TSHZ2: variants seen among roughly 807,000 people sequenced by gnomAD.
TSHZ2 encodes teashirt zinc finger homeobox 2.
A neutral mutation model predicts 74.4 loss-of-function variants in TSHZ2; 21 were observed. The ratio of observed to expected loss-of-function variants is 0.28; its 90% CI spans 0.20 to 0.41. The LOEUF is 0.41. Ranked by LOEUF, TSHZ2 falls within the 10% of genes least tolerant of loss-of-function variation. The pLI is 1.00. For missense variants in TSHZ2, 1,244 were observed against 1,293.5 expected (o/e 0.96, Z 0.59); for synonymous variants, 540 against 515.3 (o/e 1.05, Z -0.65).
intron 1 of TSHZ2, among the ~76,000 whole-genome samples, chr20:53,247,301 C>T (rs894805310): frequency 6.6e-6 from 1 of 152,152 alleles, no homozygotes; most frequent in African/African-American, 2.4e-5. Flanking sequence ...TGGGCCCTGG[C>T]CTGTGGTACC....
intron 2 of TSHZ2, among the ~76,000 whole-genome samples, chr20:53,478,281 G>C (rs1391910612): frequency 1.3e-5 from 2 of 151,154 alleles, no homozygotes; most frequent in Non-Finnish European, 2.9e-5. Flanking sequence ...AACAATGATA[G>C]ACTGGATTAA....
chr20:53,262,084 AT>A (rs951744564), intron 2 of TSHZ2, among the ~76,000 whole-genome samples: 7 of 151,078 alleles, frequency 4.6e-5, no homozygotes, highest in Admixed American at 1.3e-4. Flanking sequence ...CTTGGGGAGG[AT>A]TTTTTTTTAA....
intron 2 of TSHZ2, among the ~76,000 whole-genome samples, chr20:53,474,373 A>G (rs1244237766): frequency 2.4e-5 from 3 of 123,864 alleles, no homozygotes; most frequent in African/African-American, 9.8e-5. Flanking sequence ...AAAGAAAAGA[A>G]TTTTCAACCC....
At chr20:53,180,401 A>G (rs543267982) in intron 1 of TSHZ2, among the ~76,000 whole-genome samples, 3 of 152,366 alleles carry the variant, frequency 2.0e-5, no homozygotes, top group South Asian at 2.1e-4. Context: ...AATCCGAAGT[A>G]GAAGAAACCC....
At chr20:53,296,028 A>T (rs1991372708) in intron 2 of TSHZ2, among the ~76,000 whole-genome samples, 1 of 143,892 alleles carries the variant, frequency 6.9e-6, no homozygotes, top group South Asian at 2.2e-4. Flanking sequence ...CAGGTCTGTA[A>T]TGACTGCAAA....
At chr20:53,329,343 AC>A (rs375429998) in intron 2 of TSHZ2, among the ~76,000 whole-genome samples, 1,697 of 152,288 alleles carry the variant, frequency 0.011, 30 homozygotes, top group African/African-American at 0.034. Flanking sequence ...TTAACTTAAA[AC>A]TAAAAGAGTC....
At chr20:53,453,778 GA>G (rs1215021605) in intron 2 of TSHZ2, among the ~76,000 whole-genome samples, 1 of 152,154 alleles carries the variant, frequency 6.6e-6, no homozygotes, top group Non-Finnish European at 1.5e-5. Context: ...AGATTTGCTT[GA>G]AAATAGGCCA....
At chr20:53,340,093 C>T (rs1383853079) in intron 2 of TSHZ2, among the ~76,000 whole-genome samples, 1 of 151,808 alleles carries the variant, frequency 6.6e-6, no homozygotes, top group East Asian at 1.9e-4. Flanking sequence ...TCATCTCTTT[C>T]CAGAAGCAAT....
At position 53,154,489 on chromosome 20, in the gene TSHZ2, G is replaced by A. The variant is rs6022304; in HGVS notation, c.41-99010G>A. Among the ~76,000 whole-genome samples, 750 of 152,252 alleles carry A rather than the reference G, an allele frequency of 4.9e-3. 4 individuals are homozygous for A. The highest frequency in any genetic ancestry group is 0.017 in the African/African-American group (714 of 41,534). ...GTGACCTTCCATGCACAACCACTGC[G>A]GGTGCCCTCTCTTGCCCAGTTGAAG... On this transcript the variant is annotated intron_variant, in intron 1 of 2. Transcript: ENST00000371497.
At chr20:53,049,897 C>T (rs1984363576) in intron 1 of TSHZ2, among the ~76,000 whole-genome samples, 1 of 151,766 alleles carries the variant, frequency 6.6e-6, no homozygotes, top group South Asian at 2.1e-4. Context: ...GCCTGGCCAA[C>T]ACGGTGAAAC....
rs974786380 is a variant in TSHZ2, at chr20:53,076,313, T to C, written c.40+102980T>C. On this transcript the variant is annotated intron_variant, in intron 1 of 2. Coordinates refer to ENST00000371497, the MANE Select transcript of TSHZ2 (RefSeq NM_173485.6). Reference sequence around the variant, plus strand: ...GAGTGATATTAACCAGAAAAATTGCTGAATTTGCTGGCAAACTGCACATGG... The same window carrying C: ...GAGTGATATTAACCAGAAAAATTGCCGAATTTGCTGGCAAACTGCACATGG... Among the ~76,000 whole-genome samples the C allele has an allele frequency of 7.0e-4, 106 of 152,314 alleles. 1 individual carries two copies. The highest frequency in any genetic ancestry group is 6.5e-3 in the Admixed American group (100 of 15,306).
chr20:53,457,745 T>C (rs1387751170), intron 2 of TSHZ2, among the ~76,000 whole-genome samples: 1 of 151,660 alleles, frequency 6.6e-6, no homozygotes, highest in Non-Finnish European at 1.5e-5. Context: ...CAATACCTAA[T>C]TTATTGAGAG....
chr20:53,163,450 TATTTTA>T (rs1265130850), intron 1 of TSHZ2, among the ~76,000 whole-genome samples: 25 of 146,626 alleles, frequency 1.7e-4, no homozygotes, highest in African/African-American at 5.3e-4. Flanking sequence ...TATTTTATTT[TATTTTA>T]TTTTTTTTTA....
At chr20:53,038,254 T>C (rs1241688915) in intron 1 of TSHZ2, among the ~76,000 whole-genome samples, 1 of 135,742 alleles carries the variant, frequency 7.4e-6, no homozygotes, top group African/African-American at 2.7e-5. Flanking sequence ...AGAATTTGAA[T>C]GTTGTACTTG....
intron 2 of TSHZ2, among the ~76,000 whole-genome samples, chr20:53,320,455 T>C (rs1479518877): frequency 6.6e-6 from 1 of 152,312 alleles, no homozygotes; most frequent in African/African-American, 2.4e-5. Context: ...AATTCACACT[T>C]TTACTTAAAT....
At chr20:53,300,411 G>A (rs1410785676) in intron 2 of TSHZ2, among the ~76,000 whole-genome samples, 4 of 152,022 alleles carry the variant, frequency 2.6e-5, no homozygotes, top group African/African-American at 7.2e-5. Context: ...TCATTTTCCC[G>A]CCCTAATGGT....
At chr20:53,451,432 T>G (rs1312157180) in intron 2 of TSHZ2, among the ~76,000 whole-genome samples, 2 of 152,258 alleles carry the variant, frequency 1.3e-5, no homozygotes, top group East Asian at 3.8e-4. Flanking sequence ...TAGAATGCTT[T>G]GCTATATTTT....
At chr20:53,448,204 A>G (rs1438969054) in intron 2 of TSHZ2, among the ~76,000 whole-genome samples, 2 of 152,190 alleles carry the variant, frequency 1.3e-5, no homozygotes, top group Non-Finnish European at 2.9e-5. Flanking sequence ...GCAGCTGAGG[A>G]AAGGGGAGAT....
At chr20:53,071,639 C>T (rs762115768) in intron 1 of TSHZ2, among the ~76,000 whole-genome samples, 4 of 152,124 alleles carry the variant, frequency 2.6e-5, no homozygotes, top group African/African-American at 4.8e-5. Flanking sequence ...CACGGACCTA[C>T]GTGTTCTTGC....
Sources: gnomAD v4.1 joint callset for allele counts (sites outside exome capture counted in the v4.1 genomes callset) on GRCh38, gnomAD v4.1.1 for gene constraint, MANE v1.5 for transcripts, NCBI Gene and HGNC (gene_info 2026-07-23, HGNC 2026-07-21) for gene names.